Variants in IL1RAPL2 observed in about 807,000 individuals in gnomAD.
The protein encoded by IL1RAPL2 is X-linked interleukin-1 receptor accessory protein-like 2.
Under a neutral mutation model 44.1 loss-of-function variants are expected in IL1RAPL2, and 3 were observed. That is an observed-to-expected ratio of 0.07 (90% confidence interval 0.03 to 0.18). The LOEUF (loss-of-function observed/expected upper bound fraction) is 0.18. Ranked by LOEUF, IL1RAPL2 falls within the 10% of genes least tolerant of loss-of-function variation. The pLI, the probability that IL1RAPL2 is intolerant of heterozygous loss-of-function variation, is 1.00. For missense variants in IL1RAPL2, 391 were observed against 496.4 expected (o/e 0.79, Z 2.02); for synonymous variants, 181 against 178.8 (o/e 1.01, Z -0.10).
intron 5 of IL1RAPL2, among the ~76,000 whole-genome samples, chrX:105,380,005 A>G (rs2035417784): frequency 8.9e-6 from 1 of 111,840 alleles, no homozygotes; most frequent in Admixed American, 9.5e-5. Context: ...AGAATCTATG[A>G]GTTATTTTCA....
chrX:105,266,339 G>A, intron 4 of IL1RAPL2, among the ~76,000 whole-genome samples: 1 of 111,206 alleles, frequency 9.0e-6, no homozygotes. Context: ...ACCGTGCCTG[G>A]CAATAAAATA....
chrX:104,922,911 A>G (rs1924680366), intron 2 of IL1RAPL2, among the ~76,000 whole-genome samples: 1 of 111,646 alleles, frequency 9.0e-6, no homozygotes, highest in African/African-American at 3.3e-5. Flanking sequence ...ACACAAAGAA[A>G]TCAGAAAAAT....
chrX:105,342,588 T>C (rs767428160), intron 5 of IL1RAPL2, among the ~76,000 whole-genome samples: 3 of 111,636 alleles, frequency 2.7e-5, no homozygotes, highest in Non-Finnish European at 5.6e-5. Context: ...AGTGTAGGAT[T>C]GAAGGGAAGA....
rs1053878510 is a variant in IL1RAPL2 at position 104,587,846 on chromosome X, A to G, written c.-20+20795A>G. 4.5e-5 allele frequency among the ~76,000 whole-genome samples: 5 copies of G among 111,850 alleles called. No homozygotes were observed. In the East Asian group the frequency reaches 1.4e-3, roughly 32 times the overall value. On this transcript the variant is annotated intron_variant, in intron 1 of 10. Coordinates refer to ENST00000372582, the MANE Select transcript of IL1RAPL2 (RefSeq NM_017416.2). Reference sequence around the variant, plus strand: ...TTTGACAATAGAAATAATAACTTTGACCATTATCGATAGCCAGCCAGCAGC... The same window carrying G: ...TTTGACAATAGAAATAATAACTTTGGCCATTATCGATAGCCAGCCAGCAGC...
At chrX:105,056,324 C>G (rs779647317) in intron 2 of IL1RAPL2, among the ~76,000 whole-genome samples, 1 of 111,478 alleles carries the variant, frequency 9.0e-6, no homozygotes, top group African/African-American at 3.3e-5. Context: ...TTCAATGCAC[C>G]TCTGAGATAA....
intron 5 of IL1RAPL2, among the ~76,000 whole-genome samples, chrX:105,462,984 A>G (rs1178561106): frequency 9.0e-6 from 1 of 111,528 alleles, no homozygotes; most frequent in East Asian, 2.8e-4. Context: ...TCTGTCTGAT[A>G]TCATGAAACC....
chrX:104,660,411 A>G, intron 2 of IL1RAPL2, among the ~76,000 whole-genome samples: 1 of 109,859 alleles, frequency 9.1e-6, no homozygotes, highest in Non-Finnish European at 1.9e-5. Flanking sequence ...ACGAGGGTTT[A>G]AAAAGTCATC....
At chrX:105,094,165 T>C (rs889379002) in intron 2 of IL1RAPL2, among the ~76,000 whole-genome samples, 2 of 111,691 alleles carry the variant, frequency 1.8e-5, no homozygotes, top group African/African-American at 6.5e-5. Flanking sequence ...TATGCTACTT[T>C]CAAGCTATGT....
At chrX:105,540,686 T>C (rs2036713807) in intron 6 of IL1RAPL2, among the ~76,000 whole-genome samples, 1 of 102,331 alleles carries the variant, frequency 9.8e-6, no homozygotes, top group East Asian at 3.0e-4. Flanking sequence ...ATTTTGTGTA[T>C]AAATAGGTAT....
At chrX:105,044,669 T>G (rs1428081660) in intron 2 of IL1RAPL2, among the ~76,000 whole-genome samples, 2 of 111,655 alleles carry the variant, frequency 1.8e-5, no homozygotes, top group African/African-American at 6.5e-5. Flanking sequence ...ACAAGTGACC[T>G]TATGAAATGT....
intron 3 of IL1RAPL2, among the ~76,000 whole-genome samples, chrX:105,209,745 C>T (rs1341383629): frequency 8.9e-6 from 1 of 111,979 alleles, no homozygotes; most frequent in African/African-American, 3.3e-5. Flanking sequence ...ATAGGCATAA[C>T]ACAGGAAATC....
intron 1 of IL1RAPL2, among the ~76,000 whole-genome samples, chrX:104,633,110 TG>T (rs1929693965): frequency 8.9e-6 from 1 of 112,043 alleles, no homozygotes; most frequent in Non-Finnish European, 1.9e-5. Flanking sequence ...GTATGGTTTT[TG>T]TCTTTGGTTC....
chrX:104,571,149 T>C (rs1373735443), intron 1 of IL1RAPL2, among the ~76,000 whole-genome samples: 1 of 111,548 alleles, frequency 9.0e-6, no homozygotes, highest in Non-Finnish European at 1.9e-5. Flanking sequence ...TTAGGTCTTC[T>C]AGATTCTTGA....
At chrX:105,661,537 C>T (rs2037720275) in intron 6 of IL1RAPL2, among the ~76,000 whole-genome samples, 1 of 112,381 alleles carries the variant, frequency 8.9e-6, no homozygotes, top group East Asian at 2.8e-4. Flanking sequence ...AAAAACAAGT[C>T]TTAAAACATT....
intron 8 of IL1RAPL2, among the ~76,000 whole-genome samples, chrX:105,746,055 T>C (rs2038538893): frequency 8.9e-6 from 1 of 111,947 alleles, no homozygotes. Context: ...ATTCAGACCA[T>C]GACAGAAGCC....
At chrX:104,664,533 C>A (rs1226588742) in intron 2 of IL1RAPL2, among the ~76,000 whole-genome samples, 1 of 111,314 alleles carries the variant, frequency 9.0e-6, no homozygotes, top group Non-Finnish European at 1.9e-5. Context: ...CTTAACACTT[C>A]CTGAATATTA....
intron 2 of IL1RAPL2, among the ~76,000 whole-genome samples, chrX:105,021,204 A>G (rs1361959644): frequency 9.0e-6 from 1 of 111,512 alleles, no homozygotes; most frequent in Non-Finnish European, 1.9e-5. Flanking sequence ...TCCAACACAA[A>G]TGTCATTTCA....
At chrX:105,089,770 A>G (rs5916864) in intron 2 of IL1RAPL2, among the ~76,000 whole-genome samples, 24,351 of 111,137 alleles carry the variant, frequency 0.22, 2,568 homozygotes, top group Non-Finnish European at 0.33. Flanking sequence ...AGATGATAAA[A>G]TTGAGGCTTA....
intron 2 of IL1RAPL2, among the ~76,000 whole-genome samples, chrX:104,801,450 T>G (rs1184625152): frequency 9.0e-6 from 1 of 111,657 alleles, no homozygotes; most frequent in African/African-American, 3.3e-5. Context: ...GTTGTTTTTT[T>G]TTTGTTTGTT....
Sources: gnomAD v4.1 joint callset for allele counts (sites outside exome capture counted in the v4.1 genomes callset) on GRCh38, gnomAD v4.1.1 for gene constraint, MANE v1.5 for transcripts, NCBI Gene and HGNC (gene_info 2026-07-23, HGNC 2026-07-21) for gene names.